PHACTR3: variants seen among roughly 807,000 people sequenced by gnomAD.
PHACTR3 encodes the protein protein phosphatase 1, regulatory subunit 123.
PHACTR3 carries 16 observed loss-of-function variants against 66.8 expected under a neutral mutation model. That is an observed-to-expected ratio of 0.24 (90% confidence interval 0.16 to 0.36). The LOEUF (loss-of-function observed/expected upper bound fraction) is 0.36. Ranked by LOEUF, PHACTR3 falls within the 10% of genes least tolerant of loss-of-function variation. The probability of loss-of-function intolerance (pLI) is 1.00; values close to 1 mark genes in which losing one functional copy is unlikely to be tolerated. For missense variants in PHACTR3, 647 were observed against 719.9 expected, an observed-to-expected ratio of 0.90 and a Z score of 1.16; for synonymous variants, 323 against 292.1, an observed-to-expected ratio of 1.11 and a Z score of -1.08.
chr20:59,583,109 C>A lies in PHACTR3; in HGVS notation c.109+5492C>A, dbSNP rs151058637. 2.6e-5 allele frequency among the ~76,000 whole-genome samples: 4 copies of A among 152,134 alleles called. No individual in the cohort carries two copies. The East Asian group carries it at 7.7e-4, about 29-fold the overall frequency. ...GGCTGCTCAAAAACACATCCCTCTG[C>A]GTCTCCTTTTGAGGCTTGTATAGCT... On this transcript the variant is annotated intron_variant, in intron 1 of 12. Coordinates refer to the PHACTR3 transcript ENST00000359926.
chr20:59,740,590 C>T (rs774091798), intron 1 of PHACTR3, among the ~76,000 whole-genome samples: 3 of 152,264 alleles, frequency 2.0e-5, no homozygotes, highest in Non-Finnish European at 4.4e-5. Flanking sequence ...AGCCACTGTA[C>T]TGGCCTTCCC....
rs1600771664 is a variant in PHACTR3, at chr20:59,847,350, C to A, written c.*220C>A. On this transcript the variant is annotated 3_prime_UTR_variant, in exon 13 of 13. Transcript: ENST00000371015. ...TTCTTTGGTGTCTGAGGAGTGTGAACTGTTGGGGTCAGTTAAGACCCAACA... is the reference window on the plus strand; with the variant it reads ...TTCTTTGGTGTCTGAGGAGTGTGAAATGTTGGGGTCAGTTAAGACCCAACA... The A allele has an allele frequency of 4.7e-6, 2 of 424,606 alleles. No individual in the cohort carries two copies. Among genetic ancestry groups the A allele is most frequent in the Admixed American group, 6.8e-5 (2 of 29,404 alleles). 26.3% of individuals were successfully genotyped at this position (424,606 alleles called of 1,614,324 possible).
chr20:59,806,011 C>T, intron 7 of PHACTR3, 30 bp from the exon 8 acceptor site: 2 of 1,603,348 alleles, frequency 1.2e-6, no homozygotes, highest in Middle Eastern at 3.4e-4. Context: ...TTGTTCCCTT[C>T]TCTCCTCTTG....
intron 7 of PHACTR3, among the ~76,000 whole-genome samples, chr20:59,783,020 T>C (rs1010399069): frequency 6.6e-6 from 1 of 152,160 alleles, no homozygotes; most frequent in African/African-American, 2.4e-5. Flanking sequence ...TAACGTGTTA[T>C]TTGAATGCCA....
At chr20:59,840,302 T>A in intron 9 of PHACTR3, 67 bp from the exon 10 acceptor site, 1 of 1,571,308 alleles carries the variant, frequency 6.4e-7, no homozygotes, top group South Asian at 1.2e-5. Context: ...ACTTCCCTGC[T>A]GAAGAGAAGA....
chr20:59,590,973 T>C (rs2033165756), intron 1 of PHACTR3, among the ~76,000 whole-genome samples: 1 of 152,194 alleles, frequency 6.6e-6, no homozygotes. Flanking sequence ...TATGTGGCTG[T>C]TGAAATTTAT....
At chr20:59,840,299 T>G in intron 9 of PHACTR3, 70 bp from the exon 10 acceptor site, 1 of 1,565,364 alleles carries the variant, frequency 6.4e-7, no homozygotes, top group Non-Finnish European at 8.6e-7. Flanking sequence ...AACACTTCCC[T>G]GCTGAAGAGA....
intron 1 of PHACTR3, among the ~76,000 whole-genome samples, chr20:59,634,094 C>G (rs189797812): frequency 1.3e-5 from 2 of 152,242 alleles, no homozygotes; most frequent in Non-Finnish European, 2.9e-5. Context: ...CGGTCTTCAC[C>G]TTATTGCCTG....
intron 8 of PHACTR3, among the ~76,000 whole-genome samples, chr20:59,828,111 A>T (rs1039083080): frequency 6.6e-6 from 1 of 152,220 alleles, no homozygotes; most frequent in East Asian, 1.9e-4. Context: ...AAGCCTGTTT[A>T]TGATGACCTG....
chr20:59,723,737 G>A (rs1220187774), intron 1 of PHACTR3, among the ~76,000 whole-genome samples: 1 of 151,906 alleles, frequency 6.6e-6, no homozygotes, highest in East Asian at 1.9e-4. Flanking sequence ...TGGCGACTCG[G>A]TCTTTGGGCA....
intron 1 of PHACTR3, among the ~76,000 whole-genome samples, chr20:59,641,545 T>C (rs548761599): frequency 2.0e-5 from 3 of 152,320 alleles, no homozygotes; most frequent in South Asian, 2.1e-4. Flanking sequence ...CCTCAATGGA[T>C]TGGATGAGGC....
At chr20:59,711,433 G>C (rs2037911935) in intron 1 of PHACTR3, among the ~76,000 whole-genome samples, 1 of 152,066 alleles carries the variant, frequency 6.6e-6, no homozygotes, top group Non-Finnish European at 1.5e-5. Flanking sequence ...TTTCCAATCT[G>C]ATGAGTTGAT....
intron 1 of PHACTR3, among the ~76,000 whole-genome samples, chr20:59,636,106 T>C (rs983964888): frequency 2.0e-5 from 3 of 152,242 alleles, no homozygotes; most frequent in Non-Finnish European, 2.9e-5. Flanking sequence ...ATTGCTTGTC[T>C]ATATTTTCAT....
At chr20:59,687,179 T>C (rs2036929686) in intron 1 of PHACTR3, among the ~76,000 whole-genome samples, 1 of 150,404 alleles carries the variant, frequency 6.6e-6, no homozygotes, top group Non-Finnish European at 1.5e-5. Flanking sequence ...GTGGTGGTGA[T>C]AGTGGTGATG....
At chr20:59,826,736 G>T (rs148248230) in intron 8 of PHACTR3, among the ~76,000 whole-genome samples, 1 of 152,008 alleles carries the variant, frequency 6.6e-6, no homozygotes, top group South Asian at 2.1e-4. Context: ...CCTCTCTCAC[G>T]TCCTTCCCTG....
chr20:59,845,019 A>C (rs961741921), intron 11 of PHACTR3, 170 bp from the exon 12 acceptor site: 1 of 518,174 alleles, frequency 1.9e-6, no homozygotes, highest in Non-Finnish European at 3.5e-6. Context: ...TGGTAGGACT[A>C]TAATAATGAG....
chr20:59,634,780 T>C (rs1336288636), intron 1 of PHACTR3, among the ~76,000 whole-genome samples: 2 of 152,248 alleles, frequency 1.3e-5, no homozygotes, highest in African/African-American at 2.4e-5. Context: ...GTCTGCGCCA[T>C]GCCGCCCGGG....
intron 1 of PHACTR3, among the ~76,000 whole-genome samples, chr20:59,622,892 CAA>C (rs1329537878): frequency 6.8e-6 from 1 of 146,476 alleles, no homozygotes. Context: ...CCTGTTGGAG[CAA>C]AACCCCTGGG....
intron 1 of PHACTR3, among the ~76,000 whole-genome samples, chr20:59,676,094 G>T (rs1027923791): frequency 6.6e-6 from 1 of 152,186 alleles, no homozygotes; most frequent in Admixed American, 6.5e-5. Flanking sequence ...TTCAGCAGCC[G>T]CCTCAGGACT....
Sources: allele counts gnomAD v4.1 joint callset (sites outside exome capture counted in the v4.1 genomes callset), GRCh38; gene constraint gnomAD v4.1.1; transcripts MANE v1.5; gene names NCBI Gene and HGNC (gene_info 2026-07-23, HGNC 2026-07-21).